The following RBFOX1 variants were observed in gnomAD, a reference collection of about 807,000 sequenced individuals.
RBFOX1 encodes RNA binding protein fox-1 homolog 1.
In RBFOX1, 8 loss-of-function variants were observed where a neutral mutation model predicts 57.7. The ratio of observed to expected loss-of-function variants is 0.14; its 90% confidence interval spans 0.08 to 0.25. The LOEUF (loss-of-function observed/expected upper bound fraction) is 0.25, where lower values mean the gene tolerates loss of function less well. Ranked by LOEUF, RBFOX1 falls within the 10% of genes least tolerant of loss-of-function variation. The pLI is 1.00. For missense variants in RBFOX1, 611 were observed against 548.5 expected (o/e 1.11, Z -1.14); for synonymous variants, 326 against 222.4 (o/e 1.47, Z -4.15).
At chr16:6,883,982 T>A (rs1603636368) in intron 3 of RBFOX1, among the ~76,000 whole-genome samples, 1 of 152,130 alleles carries the variant, frequency 6.6e-6, no homozygotes, top group African/African-American at 2.4e-5. Flanking sequence ...ATGGGGAGAT[T>A]GTGAAAACTG....
intron 2 of RBFOX1, among the ~76,000 whole-genome samples, chr16:6,570,354 C>G (rs76803600): frequency 0.016 from 2,443 of 152,180 alleles, 68 homozygotes; most frequent in African/African-American, 0.055. Flanking sequence ...CCAGGCCCCT[C>G]CTGGAACAGG....
intron 1 of RBFOX1, among the ~76,000 whole-genome samples, chr16:5,277,332 A>C (rs2063165687): frequency 6.6e-6 from 1 of 152,138 alleles, no homozygotes; most frequent in East Asian, 1.9e-4. Flanking sequence ...GAGAGATAAA[A>C]GACTATATAC....
In RBFOX1 at chr16:7,034,848, C is replaced by CTTTTCTTTTCTTTTTTT. The variant is rs1412479062; in HGVS notation, c.-15-17205_-15-17204insCTTTTCTTTTTTTTTTT. Among the ~76,000 whole-genome samples, 8 of 30,840 alleles carry CTTTTCTTTTCTTTTTTT rather than the reference C, an allele frequency of 2.6e-4. 2 individuals carry two copies. Among genetic ancestry groups the CTTTTCTTTTCTTTTTTT allele is most frequent in the African/African-American group, 1.4e-3 (8 of 5,752 alleles). 20.2% of individuals were successfully genotyped at this position (30,840 alleles called of 152,430 possible). A position where few individuals can be genotyped will look rare whatever the true frequency, so the allele number is the denominator to read the frequency against. On this transcript the variant is annotated intron_variant, in intron 3 of 15. Transcript: ENST00000550418. ...ATTACTTTTTTTTTTTTTCTTTTTT[C>CTTTTCTTTTCTTTTTTT]TTTTTTTTTTTTTTTTTTGAGATGG... is the stretch of plus-strand genomic sequence containing the variant.
chr16:7,184,677 C>G (rs200759715), intron 4 of RBFOX1, among the ~76,000 whole-genome samples: 1 of 79,764 alleles, frequency 1.3e-5, no homozygotes, highest in Admixed American at 1.1e-4. Flanking sequence ...CAGTTACAAA[C>G]CCCCAAACCT....
intron 3 of RBFOX1, among the ~76,000 whole-genome samples, chr16:6,853,301 T>C (rs567224035): frequency 6.6e-6 from 1 of 152,132 alleles, no homozygotes; most frequent in Admixed American, 6.6e-5. Context: ...GTTTTTGATA[T>C]TGTTTCTATG....
intron 10 of RBFOX1, among the ~76,000 whole-genome samples, chr16:7,613,925 C>G (rs960212126): frequency 5.3e-5 from 8 of 152,152 alleles, no homozygotes; most frequent in African/African-American, 1.7e-4. Context: ...GCATTGGGCT[C>G]AGGGTGATTT....
intron 3 of RBFOX1, among the ~76,000 whole-genome samples, chr16:6,995,495 T>C (rs2092117734): frequency 6.6e-6 from 1 of 152,094 alleles, no homozygotes; most frequent in Non-Finnish European, 1.5e-5. Flanking sequence ...AGGGGTGTGG[T>C]GGCTCACGCA....
Position 5,745,884 on chromosome 16 carries a change from AG to A in RBFOX1, c.319-121417del, listed in dbSNP as rs539495917. Among the ~76,000 whole-genome samples, 18 of 152,262 alleles carry A rather than the reference AG, an allele frequency of 1.2e-4. No homozygotes were observed. In the East Asian group the frequency reaches 3.3e-3, roughly 28 times the overall value. ...TTGCAAAAATTTTCTCCCATTCTGT[AG>A]GTTGCCTATTGACTCTGATGGTAGT... On this transcript the variant is annotated intron_variant, in intron 3 of 19. Transcript: ENST00000641259.
intron 3 of RBFOX1, among the ~76,000 whole-genome samples, chr16:6,997,249 T>A (rs1021422137): frequency 2.0e-5 from 3 of 152,110 alleles, no homozygotes; most frequent in African/African-American, 7.2e-5. Flanking sequence ...TAGAGTGATT[T>A]GACTCAACTT....
chr16:6,139,842 C>T (rs2096700896), intron 1 of RBFOX1, among the ~76,000 whole-genome samples: 2 of 151,954 alleles, frequency 1.3e-5, no homozygotes. Flanking sequence ...ATTCTCCCTT[C>T]TCAGGAGGAA....
At chr16:7,361,871 G>C (rs2097328903) in intron 4 of RBFOX1, among the ~76,000 whole-genome samples, 1 of 120,732 alleles carries the variant, frequency 8.3e-6, no homozygotes, top group African/African-American at 4.0e-5. Context: ...GTTAGTGCGT[G>C]TGTTTTGTGT....
chr16:6,687,453 T>A (rs893238895), intron 3 of RBFOX1, among the ~76,000 whole-genome samples: 1 of 152,220 alleles, frequency 6.6e-6, no homozygotes, highest in Non-Finnish European at 1.5e-5. Context: ...TAAAAATATG[T>A]AAAGTTAAGT....
At chr16:7,360,085 C>T (rs2097292757) in intron 4 of RBFOX1, among the ~76,000 whole-genome samples, 1 of 152,042 alleles carries the variant, frequency 6.6e-6, no homozygotes, top group East Asian at 1.9e-4. Context: ...CTTAAATATT[C>T]CCTCCCCCTA....
intron 3 of RBFOX1, among the ~76,000 whole-genome samples, chr16:7,011,881 G>A (rs140579390): frequency 1.3e-5 from 2 of 152,286 alleles, no homozygotes; most frequent in Non-Finnish European, 2.9e-5. Context: ...TTTGGATGAT[G>A]TTAGCTCAAG....
intron 3 of RBFOX1, among the ~76,000 whole-genome samples, chr16:5,705,140 G>T (rs1347543966): frequency 6.6e-6 from 1 of 152,120 alleles, no homozygotes; most frequent in Non-Finnish European, 1.5e-5. Context: ...AAATCATTTG[G>T]TTCCTGCAAC....
chr16:6,950,384 C>CACCCACT (rs1266695398), intron 3 of RBFOX1, among the ~76,000 whole-genome samples: 1 of 140,368 alleles, frequency 7.1e-6, no homozygotes, highest in Admixed American at 7.1e-5. Flanking sequence ...GTCCACCCAC[C>CACCCACT]ACCCACTACC....
At chr16:6,718,639 C>A (rs189371215) in intron 3 of RBFOX1, among the ~76,000 whole-genome samples, 4 of 152,186 alleles carry the variant, frequency 2.6e-5, no homozygotes, top group Non-Finnish European at 4.4e-5. Flanking sequence ...GGAGGCAATT[C>A]GATCATGGGA....
intron 2 of RBFOX1, among the ~76,000 whole-genome samples, chr16:6,395,658 T>C (rs2092799060): frequency 1.3e-5 from 2 of 152,306 alleles, no homozygotes; most frequent in South Asian, 4.1e-4. Context: ...TATTGTAGTG[T>C]TCCTTGTGTA....
At chr16:6,249,106 CCCCT>C (rs1454503756) in intron 1 of RBFOX1, among the ~76,000 whole-genome samples, 2 of 152,134 alleles carry the variant, frequency 1.3e-5, no homozygotes, top group Non-Finnish European at 2.9e-5. Flanking sequence ...AGCCCCCACT[CCCCT>C]CCCCACCAAC....
Sources: allele counts gnomAD v4.1 joint callset (sites outside exome capture counted in the v4.1 genomes callset), GRCh38; gene constraint gnomAD v4.1.1; transcripts MANE v1.5; gene names NCBI Gene and HGNC (gene_info 2026-07-23, HGNC 2026-07-21).